UBE3A: variants seen among roughly 807,000 people sequenced by gnomAD.
UBE3A encodes the protein ubiquitin protein ligase E3A, also known as ubiquitin-protein ligase E3A.
A neutral mutation model predicts 83.4 loss-of-function variants in UBE3A; 6 were observed. That is an observed-to-expected ratio of 0.07 (90% CI 0.04 to 0.14). The LOEUF (loss-of-function observed/expected upper bound fraction) is 0.14. Ranked by LOEUF, UBE3A falls within the 10% of genes least tolerant of loss-of-function variation. UBE3A has a pLI of 1.00. For missense variants in UBE3A, 456 were observed against 1,036.1 expected, an observed-to-expected ratio of 0.44 and a Z score of 7.69; for synonymous variants, 337 against 355.4, an observed-to-expected ratio of 0.95 and a Z score of 0.58.
chr15:25,409,764 T>G (rs540236984), intron 2 of UBE3A, among the ~76,000 whole-genome samples: 21 of 152,288 alleles, frequency 1.4e-4, no homozygotes, highest in Non-Finnish European at 2.4e-4. Flanking sequence ...AGTCAAAAGA[T>G]TCCTAAGCTG....
At chr15:25,365,864 G>A (rs186824813) in intron 6 of UBE3A, among the ~76,000 whole-genome samples, 158 of 151,846 alleles carry the variant, frequency 1.0e-3, no homozygotes, top group African/African-American at 3.8e-3. Context: ...ATTTTTTCAT[G>A]TTCACGATAA....
intron 7 of UBE3A, among the ~76,000 whole-genome samples, chr15:25,357,830 C>T (rs1047611615): frequency 6.6e-6 from 1 of 150,664 alleles, no homozygotes; most frequent in African/African-American, 2.4e-5. Flanking sequence ...TGGGCCAATA[C>T]GTAAAAGAAA....
intron 4 of UBE3A, among the ~76,000 whole-genome samples, chr15:25,384,419 C>A (rs1221643077): frequency 6.7e-6 from 1 of 149,684 alleles, no homozygotes; most frequent in African/African-American, 2.5e-5. Flanking sequence ...CAAGATCACG[C>A]CACTCTACTC....
At chr15:25,405,583 A>C in intron 3 of UBE3A, 81 bp from the exon 4 acceptor site, 1 of 1,441,452 alleles carries the variant, frequency 6.9e-7, no homozygotes, top group Non-Finnish European at 9.7e-7. Flanking sequence ...TAGGAAGACA[A>C]TTTTGTAAAC....
At position 25,437,381 on chromosome 15, in the gene UBE3A, T is replaced by C. The variant is rs528095011; in HGVS notation, c.-165+1108A>G. 3.3e-5 allele frequency among the ~76,000 whole-genome samples: 5 copies of C among 152,308 alleles called. No homozygotes were observed. The East Asian group carries it at 7.7e-4, about 24-fold the overall frequency. Reference sequence around the variant, plus strand: ...CACTTGTCCAATTTATTCAACAAGATTGATTGGGTACCTTTGTGTCTCTGA... The same window carrying C: ...CACTTGTCCAATTTATTCAACAAGACTGATTGGGTACCTTTGTGTCTCTGA... On this transcript the variant is annotated intron_variant, in intron 1 of 12. Transcript: ENST00000648336.
intron 4 of UBE3A, among the ~76,000 whole-genome samples, chr15:25,378,308 G>T (rs1261378397): frequency 6.6e-6 from 1 of 152,120 alleles, no homozygotes; most frequent in Non-Finnish European, 1.5e-5. Flanking sequence ...AAAATCAGAA[G>T]ATCTGCATTA....
At chr15:25,426,716 T>C (rs1048950612) in intron 1 of UBE3A, among the ~76,000 whole-genome samples, 1 of 152,190 alleles carries the variant, frequency 6.6e-6, no homozygotes, top group Admixed American at 6.5e-5. Context: ...CCACACTTGA[T>C]AGAAAACTGT....
chr15:25,357,288 G>T, intron 7 of UBE3A: 1 of 169,620 alleles, frequency 5.9e-6, no homozygotes, highest in Non-Finnish European at 1.3e-5. Flanking sequence ...TTTCCAAAGT[G>T]TTTCATTTAT....
chr15:25,420,025 G>A (rs1888976601), intron 1 of UBE3A, among the ~76,000 whole-genome samples: 1 of 152,014 alleles, frequency 6.6e-6, no homozygotes, highest in African/African-American at 2.4e-5. Flanking sequence ...CAATTATATT[G>A]CCAACTGCAA....
chr15:25,359,946 A>G (rs765072240), intron 7 of UBE3A, among the ~76,000 whole-genome samples: 19 of 152,284 alleles, frequency 1.2e-4, no homozygotes, highest in Non-Finnish European at 2.4e-4. Flanking sequence ...AATTAATGTG[A>G]TATCAGCTAG....
At chr15:25,437,738 A>G (rs1895532723) in intron 1 of UBE3A, among the ~76,000 whole-genome samples, 2 of 152,120 alleles carry the variant, frequency 1.3e-5, no homozygotes, top group South Asian at 4.1e-4. Context: ...TATTAAAATT[A>G]TTTCTAAAAT....
chr15:25,357,029 A>C (rs2077306291), intron 7 of UBE3A, 133 bp from the exon 8 acceptor site: 1 of 740,122 alleles, frequency 1.4e-6, no homozygotes, highest in Non-Finnish European at 2.2e-6. Flanking sequence ...TGCAACATTG[A>C]TTTCTATTAT....
At chr15:25,419,106 C>A (rs558796973) in intron 1 of UBE3A, 6 of 152,254 alleles carry the variant, frequency 3.9e-5, no homozygotes, top group African/African-American at 1.4e-4. Context: ...ATGAGAGATT[C>A]ATGAGCAAAA....
At chr15:25,351,257 A>G (rs1384658858) in intron 11 of UBE3A, among the ~76,000 whole-genome samples, 1 of 152,198 alleles carries the variant, frequency 6.6e-6, no homozygotes, top group African/African-American at 2.4e-5. Flanking sequence ...GTTGATGAGA[A>G]AGAGTTTTTC....
chr15:25,358,737 T>C (rs1040018465), intron 7 of UBE3A, among the ~76,000 whole-genome samples: 1 of 152,178 alleles, frequency 6.6e-6, no homozygotes, highest in African/African-American at 2.4e-5. Context: ...ACTAGGAGTA[T>C]GAATTAAGCT....
chr15:25,354,447 G>A, intron 10 of UBE3A, 21 bp from the exon 11 acceptor site: 1 of 1,612,762 alleles, frequency 6.2e-7, no homozygotes, highest in South Asian at 1.1e-5. Flanking sequence ...AAGAAAATAT[G>A]TCTTAGTTAT....
In UBE3A at chr15:25,438,887, C is replaced by CGCGA. The variant is rs1410728284; in HGVS notation, c.-567_-564dup. On this transcript the variant is annotated 5_prime_UTR_variant, in exon 1 of 13. Coordinates refer to ENST00000648336, the MANE Select transcript of UBE3A (RefSeq NM_130839.5). ...CGGATGGCTACGCGGCGGAGGGGTG[C>CGCGA]GCGAGCGAGCGAAGCCTGGTGTGTC... 1 of 152,768 alleles carries CGCGA rather than the reference C, an allele frequency of 6.5e-6. No individual in the cohort carries two copies. The highest frequency in any genetic ancestry group is 2.4e-5 in the African/African-American group (1 of 41,466). The allele number at this position is 152,768 out of a possible 1,614,324, so 9.5% of individuals were successfully genotyped here.
At chr15:25,366,566 G>A (rs2079134638) in intron 6 of UBE3A, among the ~76,000 whole-genome samples, 1 of 152,058 alleles carries the variant, frequency 6.6e-6, no homozygotes, top group South Asian at 2.1e-4. Context: ...CCACATCTCA[G>A]CCATTCCTTT....
In UBE3A at chr15:25,376,548, GCTGAGGATCACTTGAGC is replaced by G. The variant is rs535556084; in HGVS notation, c.63-802_63-786del. ...ACCTGTAGTCCCAGCTACTTGGGAG[GCTGAGGATCACTTGAGC>G]CTGAGAGTCAAGGCTGCCATAAGCT... On this transcript the variant is annotated intron_variant, in intron 4 of 12. Transcript: ENST00000648336. 5.9e-5 allele frequency among the ~76,000 whole-genome samples: 9 copies of G among 152,108 alleles called. No individual in the cohort carries two copies. The East Asian group carries it at 1.7e-3, about 29-fold the overall frequency.
Sources: allele counts gnomAD v4.1 joint callset (sites outside exome capture counted in the v4.1 genomes callset), GRCh38; gene constraint gnomAD v4.1.1; transcripts MANE v1.5; gene names NCBI Gene and HGNC (gene_info 2026-07-23, HGNC 2026-07-21).